WWOX: variants seen among roughly 807,000 people sequenced by gnomAD.
The protein encoded by WWOX is WW domain-containing oxidoreductase.
In WWOX, 69 loss-of-function variants were observed where a neutral mutation model predicts 46.2. That is an observed-to-expected ratio of 1.49 (90% CI 1.23 to 1.82). The LOEUF (loss-of-function observed/expected upper bound fraction) is 1.82. Among genes scored for constraint, WWOX ranks in the 40% most tolerant of loss-of-function variants. The pLI is 0.00. For missense variants in WWOX, 919 were observed against 542.6 expected, an observed-to-expected ratio of 1.69 and a Z score of -6.89; for synonymous variants, 359 against 202.6, an observed-to-expected ratio of 1.77 and a Z score of -6.56.
intron 5 of WWOX, chr16:78,241,175 A>G (rs970893668): frequency 2.0e-5 from 3 of 152,206 alleles, no homozygotes; most frequent in African/African-American, 7.2e-5. Flanking sequence ...TGAGAATGAT[A>G]TTGACCCATG....
intron 8 of WWOX, among the ~76,000 whole-genome samples, chr16:79,061,315 C>G (rs376985934): frequency 6.6e-6 from 1 of 152,078 alleles, no homozygotes; most frequent in South Asian, 2.1e-4. Context: ...TATATTAGCC[C>G]GGCACTGACT....
rs536078492 is a variant in WWOX, at chr16:79,049,015, A to G, written c.1057-162593A>G. 6.6e-4 allele frequency among the ~76,000 whole-genome samples: 101 copies of G among 152,310 alleles called. No individual in the cohort carries two copies. The South Asian group carries it at 0.021, about 31-fold the overall frequency. On this transcript the variant is annotated intron_variant, in intron 8 of 8. Transcript: ENST00000566780. Reference sequence around the variant, plus strand: ...TATGCAATGAGAATCCCTGAGGGACAGGCACTGTGCTAGATACCCGAGATA... The same window carrying G: ...TATGCAATGAGAATCCCTGAGGGACGGGCACTGTGCTAGATACCCGAGATA...
At chr16:78,367,194 T>G (rs560029317) in intron 5 of WWOX, among the ~76,000 whole-genome samples, 1 of 152,164 alleles carries the variant, frequency 6.6e-6, no homozygotes, top group South Asian at 2.1e-4. Context: ...TTAGCCACTT[T>G]GGTCTCAATC....
chr16:78,799,218 A>C (rs752024436), intron 8 of WWOX, among the ~76,000 whole-genome samples: 2 of 152,206 alleles, frequency 1.3e-5, no homozygotes, highest in Admixed American at 6.5e-5. Context: ...CACGGTGCAG[A>C]AAAGTTCATC....
chr16:78,487,668 A>G (rs1051314560), intron 8 of WWOX, among the ~76,000 whole-genome samples: 17 of 152,152 alleles, frequency 1.1e-4, no homozygotes, highest in Admixed American at 1.1e-3. Context: ...TCTAGCCATT[A>G]GATACCATCT....
At chr16:78,485,018 C>A (rs977692748) in intron 8 of WWOX, among the ~76,000 whole-genome samples, 2 of 151,996 alleles carry the variant, frequency 1.3e-5, no homozygotes, top group African/African-American at 4.8e-5. Flanking sequence ...AGATGAGGTT[C>A]CCTTAGAACC....
chr16:78,187,726 G>C (rs531242148), intron 5 of WWOX, among the ~76,000 whole-genome samples: 83 of 152,206 alleles, frequency 5.5e-4, no homozygotes, highest in Non-Finnish European at 9.0e-4. Context: ...ACCTGCCAAA[G>C]GGAAGAAAAT....
intron 8 of WWOX, among the ~76,000 whole-genome samples, chr16:79,003,344 C>T (rs1475912470): frequency 5.9e-5 from 9 of 152,156 alleles, no homozygotes; most frequent in Admixed American, 5.9e-4. Context: ...TGCTGAGATC[C>T]TGCTGTATAC....
intron 5 of WWOX, among the ~76,000 whole-genome samples, chr16:78,324,511 C>A (rs994935802): frequency 6.6e-6 from 1 of 151,918 alleles, no homozygotes; most frequent in African/African-American, 2.4e-5. Flanking sequence ...TTCTTAATAG[C>A]CAATAGGTGG....
chr16:78,112,062 T>C (rs2032522747), intron 3 of WWOX: 1 of 152,390 alleles, frequency 6.6e-6, no homozygotes, highest in Non-Finnish European at 1.5e-5. Flanking sequence ...CCCAGCTGTT[T>C]TCTCCTTATC....
intron 8 of WWOX, among the ~76,000 whole-genome samples, chr16:78,939,028 G>T (rs555142188): frequency 6.6e-6 from 1 of 152,300 alleles, no homozygotes; most frequent in South Asian, 2.1e-4. Context: ...TGGCCTTTCA[G>T]CCCAAGGTTT....
intron 5 of WWOX, among the ~76,000 whole-genome samples, chr16:78,366,444 C>A (rs1269276118): frequency 6.6e-6 from 1 of 152,132 alleles, no homozygotes; most frequent in Non-Finnish European, 1.5e-5. Flanking sequence ...TAAGGAATGG[C>A]ATGACATTCT....
rs566385528 is a variant in WWOX at position 78,120,759 on chromosome 16, C to T, written c.409+5605C>T. ...TACTCTTTGATCCTACAAATTGTCA[C>T]CACGATGAATTCATATCTTGTGCAA... is the stretch of plus-strand genomic sequence containing the variant. On this transcript the variant is annotated intron_variant, in intron 4 of 8. Transcript: ENST00000566780. Among the ~76,000 whole-genome samples the T allele has an allele frequency of 6.4e-4, 97 of 152,262 alleles. 1 individual carries two copies. The highest frequency in any genetic ancestry group is 2.2e-3 in the African/African-American group (91 of 41,536).
chr16:78,111,124 C>G (rs1226578984), intron 3 of WWOX, among the ~76,000 whole-genome samples: 1 of 151,992 alleles, frequency 6.6e-6, no homozygotes, highest in Non-Finnish European at 1.5e-5. Context: ...TTGCATGGAT[C>G]CAGTGTGGTC....
At chr16:78,352,452 G>T (rs1449501097) in intron 5 of WWOX, among the ~76,000 whole-genome samples, 1 of 152,146 alleles carries the variant, frequency 6.6e-6, no homozygotes, top group Non-Finnish European at 1.5e-5. Flanking sequence ...AGCTTCCAGG[G>T]ACTGCCCAAA....
At chr16:79,194,766 A>C (rs552503945) in intron 8 of WWOX, among the ~76,000 whole-genome samples, 4 of 152,172 alleles carry the variant, frequency 2.6e-5, no homozygotes, top group South Asian at 2.1e-4. Flanking sequence ...TTGATCACTG[A>C]GTTAAATAAT....
intron 8 of WWOX, among the ~76,000 whole-genome samples, chr16:78,806,928 A>C (rs568054387): frequency 6.6e-6 from 1 of 152,176 alleles, no homozygotes; most frequent in Non-Finnish European, 1.5e-5. Flanking sequence ...GGGGTCAGGA[A>C]ACCTGCTTTT....
intron 5 of WWOX, among the ~76,000 whole-genome samples, chr16:78,224,231 C>T (rs1032862264): frequency 1.1e-4 from 16 of 152,216 alleles, no homozygotes; most frequent in African/African-American, 3.9e-4. Context: ...TCTCTATCTC[C>T]TGACCTCGTG....
chr16:78,314,268 C>T (rs1374641055), intron 5 of WWOX, among the ~76,000 whole-genome samples: 1 of 151,362 alleles, frequency 6.6e-6, no homozygotes, highest in Non-Finnish European at 1.5e-5. Context: ...ATTAGCCAGG[C>T]ATGGTGGTGG....
Sources: allele counts gnomAD v4.1 joint callset (sites outside exome capture counted in the v4.1 genomes callset), GRCh38; gene constraint gnomAD v4.1.1; transcripts MANE v1.5; gene names NCBI Gene and HGNC (gene_info 2026-07-23, HGNC 2026-07-21).